Variants in TATDN1 observed in about 807,000 individuals in gnomAD.
TATDN1 encodes deoxyribonuclease TATDN1.
Under a neutral mutation model 46.4 loss-of-function variants are expected in TATDN1, and 40 were observed. That is an observed-to-expected ratio of 0.86 (90% CI 0.67 to 1.12). The LOEUF (loss-of-function observed/expected upper bound fraction) is 1.12, where lower values mean the gene tolerates loss of function less well. Among genes scored for constraint, TATDN1 ranks in the 50% most tolerant of loss-of-function variants. The probability of loss-of-function intolerance (pLI) is 0.00; values close to 1 mark genes in which losing one functional copy is unlikely to be tolerated. For missense variants in TATDN1, 326 were observed against 348.4 expected (o/e 0.94, Z 0.51); for synonymous variants, 95 against 105.6 (o/e 0.90, Z 0.62).
At chr8:124,491,876 T>G (rs1213852657) in intron 11 of TATDN1, among the ~76,000 whole-genome samples, 1 of 152,252 alleles carries the variant, frequency 6.6e-6, no homozygotes, top group African/African-American at 2.4e-5. Flanking sequence ...GATTGTGTAT[T>G]TTTTAAATGT....
rs1425551085 is a variant in TATDN1 at position 124,507,398 on chromosome 8, T to C, written c.516+1076A>G. ...GTAAAATATTTCAAAACATAAAAATTAGTTTATATTTGCTCAAAATTTGGA... is the reference window on the plus strand; with the variant it reads ...GTAAAATATTTCAAAACATAAAAATCAGTTTATATTTGCTCAAAATTTGGA... On this transcript the variant is annotated intron_variant, in intron 8 of 11. Transcript: ENST00000276692. Among the ~76,000 whole-genome samples the C allele has an allele frequency of 3.3e-5, 5 of 152,100 alleles. No individual in the cohort carries two copies. In the South Asian group the frequency reaches 6.2e-4, roughly 19 times the overall value.
intron 3 of TATDN1, among the ~76,000 whole-genome samples, chr8:124,521,112 T>C (rs954545333): frequency 1.8e-4 from 27 of 152,186 alleles, no homozygotes; most frequent in Admixed American, 3.3e-4. Context: ...ATTATCATTC[T>C]CATTTTACAG....
chr8:124,521,931 T>C, intron 3 of TATDN1: 1 of 370,640 alleles, frequency 2.7e-6, no homozygotes. Flanking sequence ...CTTTTGCCAT[T>C]TATCATATAT....
At chr8:124,532,773 T>C (rs1187262469) in intron 1 of TATDN1, among the ~76,000 whole-genome samples, 1 of 152,216 alleles carries the variant, frequency 6.6e-6, no homozygotes, top group Admixed American at 6.5e-5. Context: ...ATCGGGCAGT[T>C]GGCTGGGGGC....
intron 1 of TATDN1, among the ~76,000 whole-genome samples, chr8:124,535,588 C>T (rs1318830128): frequency 6.6e-6 from 1 of 152,118 alleles, no homozygotes. Context: ...AAGCAGAGCA[C>T]AAAAGAGTAG....
At chr8:124,514,979 G>A (rs546071495) in intron 6 of TATDN1, among the ~76,000 whole-genome samples, 4 of 152,094 alleles carry the variant, frequency 2.6e-5, no homozygotes, top group Admixed American at 1.3e-4. Flanking sequence ...TTTTAGAGAC[G>A]GAGTCTCCTT....
intron 4 of TATDN1, among the ~76,000 whole-genome samples, chr8:124,518,446 C>T (rs1329587531): frequency 2.5e-4 from 38 of 151,328 alleles, no homozygotes; most frequent in African/African-American, 9.2e-4. Flanking sequence ...ATGGTGTGAA[C>T]CTGGGAGGTG....
chr8:124,504,226 T>C, intron 9 of TATDN1, 45 bp downstream of exon 9: 2 of 1,373,792 alleles, frequency 1.5e-6, no homozygotes, highest in Non-Finnish European at 2.0e-6. Flanking sequence ...ATTTAAGAAA[T>C]CTGCTTAAAT....
At chr8:124,509,968 T>C (rs370701746) in intron 6 of TATDN1, among the ~76,000 whole-genome samples, 9 of 150,874 alleles carry the variant, frequency 6.0e-5, no homozygotes, top group African/African-American at 9.7e-5. Flanking sequence ...GGGTCAGAGG[T>C]TGCAGTGAGC....
intron 11 of TATDN1, chr8:124,490,361 T>C (rs897423732): frequency 2.6e-5 from 4 of 151,810 alleles, no homozygotes; most frequent in Admixed American, 2.0e-4. Flanking sequence ...ACAAAAAAAA[T>C]TAGCCAGGCA....
intron 9 of TATDN1, among the ~76,000 whole-genome samples, chr8:124,501,834 GA>G (rs1817995225): frequency 2.6e-5 from 4 of 152,188 alleles, no homozygotes; most frequent in African/African-American, 9.6e-5. Context: ...CAGGCGTGAT[GA>G]AAACCATCAA....
At chr8:124,538,904 C>G (rs768701559) in intron 1 of TATDN1, 121 bp downstream of exon 1, 128 of 1,199,956 alleles carry the variant, frequency 1.1e-4, no homozygotes, top group Non-Finnish European at 1.4e-4. Context: ...CCCTCCTCCA[C>G]TGAGCGGCCC....
chr8:124,517,031 A>G (rs1427662600), intron 4 of TATDN1, among the ~76,000 whole-genome samples: 1 of 152,222 alleles, frequency 6.6e-6, no homozygotes, highest in Non-Finnish European at 1.5e-5. Context: ...TGGAGGTGGG[A>G]GAACTTTAAA....
chr8:124,499,157 A>T lies in TATDN1; in HGVS notation c.594-3615T>A, dbSNP rs1817733421. On this transcript the variant is annotated intron_variant, in intron 9 of 11. Coordinates refer to ENST00000276692, the MANE Select transcript of TATDN1 (RefSeq NM_032026.4). ...ATTCTTTCCTTTTTCAGTATCTATA[A>T]TTTTATTTTAGTAGGATTTTAGGAG... is the stretch of plus-strand genomic sequence containing the variant. Among the ~76,000 whole-genome samples, 3 of 151,648 alleles carry T rather than the reference A, an allele frequency of 2.0e-5. No individual in the cohort carries two copies. In the South Asian group the frequency reaches 6.3e-4, roughly 32 times the overall value.
chr8:124,508,384 A>C (rs1418384166), intron 8 of TATDN1, 90 bp downstream of exon 8: 23 of 1,119,972 alleles, frequency 2.1e-5, no homozygotes, highest in Non-Finnish European at 2.9e-5. Context: ...AAAAAGGTTC[A>C]GATTTTGGAG....
intron 6 of TATDN1, among the ~76,000 whole-genome samples, chr8:124,509,595 A>C (rs1252137721): frequency 6.6e-6 from 1 of 152,178 alleles, no homozygotes; most frequent in Non-Finnish European, 1.5e-5. Flanking sequence ...TAAGCACTTT[A>C]ATTTGGGGAA....
chr8:124,522,129 A>G (rs1820099980), intron 3 of TATDN1, 22 bp downstream of exon 3: 3 of 1,549,472 alleles, frequency 1.9e-6, no homozygotes, highest in Middle Eastern at 1.7e-4. Flanking sequence ...AAAAATCTCA[A>G]AAATAACAAA....
chr8:124,513,406 G>A (rs1819199335), intron 6 of TATDN1, among the ~76,000 whole-genome samples: 2 of 152,164 alleles, frequency 1.3e-5, no homozygotes, highest in African/African-American at 2.4e-5. Flanking sequence ...ACATACTTTA[G>A]TAAGCACTTC....
intron 1 of TATDN1, among the ~76,000 whole-genome samples, chr8:124,523,724 A>C (rs564220406): frequency 6.6e-5 from 10 of 152,326 alleles, no homozygotes; most frequent in Middle Eastern, 3.4e-3. Flanking sequence ...GGTTACAGGC[A>C]AACACCAAGC....
Sources: gnomAD v4.1 joint callset for allele counts (sites outside exome capture counted in the v4.1 genomes callset) on GRCh38, gnomAD v4.1.1 for gene constraint, MANE v1.5 for transcripts, NCBI Gene and HGNC (gene_info 2026-07-23, HGNC 2026-07-21) for gene names.